Variants in CCNT2 observed in about 807,000 individuals in gnomAD.
CCNT2 encodes the protein cyclin T2.
Under a neutral mutation model 70.0 loss-of-function variants are expected in CCNT2, and 18 were observed. The observed-to-expected ratio is 0.26, with a 90% CI of 0.18 to 0.38. The LOEUF (loss-of-function observed/expected upper bound fraction) is 0.38. Ranked by LOEUF, CCNT2 falls within the 10% of genes least tolerant of loss-of-function variation. The pLI is 1.00. For synonymous variants in CCNT2, 334 were observed against 313.3 expected (o/e 1.07, Z -0.70); for missense variants, 734 against 890.2 (o/e 0.82, Z 2.23).
intron 5 of CCNT2, chr2:134,944,193 G>A (rs1001786047): frequency 1.0e-6 from 1 of 982,700 alleles, no homozygotes; most frequent in Non-Finnish European, 1.2e-6. Flanking sequence ...TTACAGTATA[G>A]CATAGAATTA....
chr2:134,928,274 C>CTTTTTTTTTTTTTTTTTTTTTTTTTTTT lies in CCNT2; in HGVS notation c.240+8402_240+8403insTTTTTTTTTTTTTTTTTTTTTTTTTTTT, dbSNP rs551173090. Among the ~76,000 whole-genome samples, 22 of 96,390 alleles carry CTTTTTTTTTTTTTTTTTTTTTTTTTTTT rather than the reference C, an allele frequency of 2.3e-4. 4 individuals are homozygous for CTTTTTTTTTTTTTTTTTTTTTTTTTTTT. The highest frequency in any genetic ancestry group is 3.7e-4 in the South Asian group (1 of 2,716). 63.2% of individuals were successfully genotyped at this position (96,390 alleles called of 152,430 possible). A position where few individuals can be genotyped will look rare whatever the true frequency, so the allele number is the denominator to read the frequency against. On this transcript the variant is annotated intron_variant, in intron 2 of 8. Coordinates refer to ENST00000264157, the MANE Select transcript of CCNT2 (RefSeq NM_058241.3). ...CCATGCCCGGCCTCACATTGTATTTCTTTTTTTTTTTTTTTTTTTCTGAGA... is the reference window on the plus strand; with the variant it reads ...CCATGCCCGGCCTCACATTGTATTTCTTTTTTTTTTTTTTTTTTTTTTTTTTTTTTTTTTTTTTTTTTTTTTTCTGAGA...
rs1377780702 is a variant in CCNT2, at chr2:134,918,980, C to A, written c.126C>A (p.Asn42Lys). 6.2e-7 allele frequency: 1 copy of A among 1,613,436 alleles called. No homozygotes were observed. The highest frequency in any genetic ancestry group is 8.5e-7 in the Non-Finnish European group (1 of 1,179,884). ...TCTCGTGCCGCCAGCAGGCGGCCAA[C>A]CTCATCCAGGAGATGGGACAGCGTC... is the stretch of plus-strand genomic sequence containing the variant. ...KELSCRQQAANLIQEMGQRLN... is the reference protein window; with the variant it reads ...KELSCRQQAAKLIQEMGQRLN... The change falls in exon 1 of 9, where the codon AAC becomes AAA. Residue 42 changes from asparagine to lysine, a missense_variant. Physicochemically the swap from Asn to Lys is moderately conservative, Grantham distance 94. Transcript: ENST00000264157.
intron 5 of CCNT2, chr2:134,944,810 CTG>C (rs1378938004): frequency 1.0e-6 from 1 of 985,228 alleles, no homozygotes; most frequent in Non-Finnish European, 1.2e-6. Context: ...CCTCTATTCT[CTG>C]TTGCACAGTG....
intron 2 of CCNT2, among the ~76,000 whole-genome samples, chr2:134,934,765 A>G (rs1681029001): frequency 6.6e-6 from 1 of 152,230 alleles, no homozygotes; most frequent in Non-Finnish European, 1.5e-5. Context: ...TCTTTCAGGC[A>G]AGTAAGAGAA....
In CCNT2 at chr2:134,957,364, AAAT is replaced by A. The variant is rs1682990132; in HGVS notation, c.*2718_*2720del. On this transcript the variant is annotated 3_prime_UTR_variant, in exon 9 of 9. Coordinates refer to ENST00000264157, the MANE Select transcript of CCNT2 (RefSeq NM_058241.3). ...ATAACATTTTTGATGAGATTTAAAA[AAAT>A]ATTTGAAATATTAAAAAGCATTATC... 6.6e-6 allele frequency: 1 copy of A among 152,216 alleles called. No homozygotes were observed. The highest frequency in any genetic ancestry group is 2.4e-5 in the African/African-American group (1 of 41,464). The allele number at this position is 152,216 out of a possible 1,614,324, so 9.4% of individuals were successfully genotyped here. A position where few individuals can be genotyped will look rare whatever the true frequency, so the allele number is the denominator to read the frequency against.
At position 134,936,942 on chromosome 2, in the gene CCNT2, A is replaced by G. The variant is rs111373831; in HGVS notation, c.342A>G (p.Leu114=). The change falls in exon 3 of 9, where the codon CTA becomes CTG. Residue 114 remains leucine, a synonymous_variant. Transcript: ENST00000264157. ...IKVAHACLHP[L]EPLLDTKCDA... Reference sequence around the variant, plus strand: ...TAGCACATGCTTGTCTTCATCCTCTAGAGCCACTGCTGGATACTAAATGTG... The same window carrying G: ...TAGCACATGCTTGTCTTCATCCTCTGGAGCCACTGCTGGATACTAAATGTG... 2 of 1,610,180 alleles carry G rather than the reference A, an allele frequency of 1.2e-6. No homozygotes were observed. The highest frequency in any genetic ancestry group is 1.3e-5 in the African/African-American group (1 of 74,842).
rs1682104615 is a variant in CCNT2, at chr2:134,947,718, A to C, written c.540-18A>C. 7.1e-7 allele frequency: 1 copy of C among 1,410,062 alleles called. No individual in the cohort carries two copies. The highest frequency in any genetic ancestry group is 9.4e-7 in the Non-Finnish European group (1 of 1,064,728). The allele number at this position is 1,410,062 out of a possible 1,614,324, so 87.3% of individuals were successfully genotyped here. On this transcript the variant is annotated intron_variant, in intron 6 of 8. Transcript: ENST00000264157. Reference sequence around the variant, plus strand: ...TGAATTTTTATGGCTCTCCATTTTCAAACCTGCTCTGCAACAGTCTGCATC... The same window carrying C: ...TGAATTTTTATGGCTCTCCATTTTCCAACCTGCTCTGCAACAGTCTGCATC...
chr2:134,953,072 G>C lies in CCNT2; in HGVS notation c.775-158G>C, dbSNP rs1473828775. On this transcript the variant is annotated intron_variant, in intron 8 of 8. Coordinates refer to ENST00000264157, the MANE Select transcript of CCNT2 (RefSeq NM_058241.3). ...TTTTATAGCCTTTTATGCCTCTAAG[G>C]CATTTATTTACTGACAACATAAAAT... is the stretch of plus-strand genomic sequence containing the variant. The C allele has an allele frequency of 5.3e-6, 3 of 562,532 alleles. No homozygotes were observed. The South Asian group carries it at 8.8e-5, about 16-fold the overall frequency. The allele number at this position is 562,532 out of a possible 1,614,324, so 34.8% of individuals were successfully genotyped here.
chr2:134,931,770 T>C (rs1553520849), intron 2 of CCNT2, among the ~76,000 whole-genome samples: 1 of 152,126 alleles, frequency 6.6e-6, no homozygotes, highest in Non-Finnish European at 1.5e-5. Context: ...TTTTTTGTCC[T>C]TTTGGTTTTT....
intron 2 of CCNT2, among the ~76,000 whole-genome samples, chr2:134,928,927 A>C (rs1253044895): frequency 6.6e-6 from 1 of 152,172 alleles, no homozygotes; most frequent in Non-Finnish European, 1.5e-5. Context: ...CCCAAGGTAG[A>C]TATTTCAGTT....
rs180780461 is a variant in CCNT2 at position 134,925,952 on chromosome 2, A to G, written c.240+6061A>G. Among the ~76,000 whole-genome samples the G allele has an allele frequency of 3.0e-3, 443 of 147,932 alleles. 3 individuals carry two copies. The highest frequency in any genetic ancestry group is 0.01 in the African/African-American group (417 of 39,828). On this transcript the variant is annotated intron_variant, in intron 2 of 8. Transcript: ENST00000264157. The stretch of plus-strand genomic sequence containing the variant: ...ACAATCATGGCTCACTGCAGCATCA[A>G]CCTCCTGGGTTCAAGTGATTCCCCC...
chr2:134,922,068 C>T (rs759082719), intron 2 of CCNT2, among the ~76,000 whole-genome samples: 1 of 152,100 alleles, frequency 6.6e-6, no homozygotes, highest in Non-Finnish European at 1.5e-5. Flanking sequence ...CCCCCCTGTT[C>T]TTTTAGGGCA....
At chr2:134,951,042 T>TG (rs1253881562) in intron 7 of CCNT2, among the ~76,000 whole-genome samples, 1 of 152,084 alleles carries the variant, frequency 6.6e-6, no homozygotes, top group Non-Finnish European at 1.5e-5. Context: ...ATAGTCTTTT[T>TG]TTTTTTCTTT....
intron 4 of CCNT2, among the ~76,000 whole-genome samples, chr2:134,942,130 G>A (rs536394247): frequency 5.4e-4 from 82 of 151,050 alleles, no homozygotes. Flanking sequence ...AATGAAGTAT[G>A]GTTATAAGGT....
chr2:134,942,696 T>C (rs1681663576), intron 5 of CCNT2, 22 bp downstream of exon 5: 5 of 1,588,742 alleles, frequency 3.1e-6, no homozygotes, highest in Non-Finnish European at 4.3e-6. Flanking sequence ...TTGAAACTTT[T>C]AAGATAAGTA....
rs1248541105 is a variant in CCNT2 at position 134,955,140 on chromosome 2, G to GT, written c.*493dup. 6.4e-6 allele frequency: 1 copy of GT among 156,782 alleles called. No homozygotes were observed. Among genetic ancestry groups the GT allele is most frequent in the Non-Finnish European group, 1.4e-5 (1 of 70,410 alleles). 9.7% of individuals were successfully genotyped at this position (156,782 alleles called of 1,614,324 possible). A position where few individuals can be genotyped will look rare whatever the true frequency, so the allele number is the denominator to read the frequency against. Reference sequence around the variant, plus strand: ...TGGAGAAAAATGTACATACATTTTTGTATGTTTAGATATTACCGTAAATAC... The same window carrying GT: ...TGGAGAAAAATGTACATACATTTTTGTTATGTTTAGATATTACCGTAAATAC... On this transcript the variant is annotated 3_prime_UTR_variant, in exon 9 of 9. Coordinates refer to ENST00000264157, the MANE Select transcript of CCNT2 (RefSeq NM_058241.3).
intron 5 of CCNT2, chr2:134,944,466 A>AT: frequency 1.0e-6 from 1 of 966,596 alleles, no homozygotes; most frequent in Non-Finnish European, 1.2e-6. Flanking sequence ...AGAGATTAAT[A>AT]TTTTTTGTAC....
In CCNT2 at chr2:134,953,614, A is replaced by C. The variant is rs373321648; in HGVS notation, c.1159A>C (p.Ile387Leu). The change falls in exon 9 of 9, where the codon ATA (isoleucine) becomes CTA (leucine). Residue 387 changes from isoleucine to leucine, a missense_variant. Around this residue, in one of 3 missense-constraint regions of CCNT2, gnomAD observed 532 missense variants for 556.9 expected, o/e 0.96. Transcript: ENST00000264157. ...YNINFQQGPS[I>L]SLHSGLHHRP... ...CATCAACTTCCAGCAGGGACCTTCT[A>C]TATCACTGCATTCAGGATTACATCA... 10 of 1,614,144 alleles carry C rather than the reference A, an allele frequency of 6.2e-6. No individual in the cohort carries two copies. The highest frequency in any genetic ancestry group is 7.6e-6 in the Non-Finnish European group (9 of 1,179,992).
intron 5 of CCNT2, 35 bp from the exon 6 acceptor site, chr2:134,946,066 A>G: frequency 6.2e-7 from 1 of 1,609,230 alleles, no homozygotes; most frequent in African/African-American, 1.3e-5. Flanking sequence ...GTTAAGGCTG[A>G]TAGTATTGTC....
Sources: gnomAD v4.1 joint callset for allele counts (sites outside exome capture counted in the v4.1 genomes callset) on GRCh38, gnomAD v4.1.1 for gene constraint, gnomAD v4.1.1 regional missense constraint, MANE v1.5 for transcripts, NCBI Gene and HGNC (gene_info 2026-07-23, HGNC 2026-07-21) for gene names.